Variants in GSE1 observed in about 807,000 individuals in gnomAD.
GSE1 encodes the protein genetic suppressor element 1.
In GSE1, 32 loss-of-function variants were observed where a neutral mutation model predicts 112.6. The observed-to-expected ratio is 0.28, with a 90% CI of 0.21 to 0.38. GSE1 has a LOEUF of 0.38. Ranked by LOEUF, GSE1 falls within the 10% of genes least tolerant of loss-of-function variation. The pLI, the probability that GSE1 is intolerant of heterozygous loss-of-function variation, is 1.00. For synonymous variants in GSE1, 1,115 were observed against 735.6 expected, an observed-to-expected ratio of 1.52 and a Z score of -8.35; for missense variants, 2,348 against 1,699.2, an observed-to-expected ratio of 1.38 and a Z score of -6.71.
intron 1 of GSE1, among the ~76,000 whole-genome samples, chr16:85,347,803 T>C (rs1275974747): frequency 6.6e-6 from 1 of 152,180 alleles, no homozygotes; most frequent in Non-Finnish European, 1.5e-5. Flanking sequence ...TGCCACAAGC[T>C]TCCGCTCTAG....
At chr16:85,586,907 G>A (rs567338996) in intron 1 of GSE1, among the ~76,000 whole-genome samples, 29 of 152,370 alleles carry the variant, frequency 1.9e-4, no homozygotes, top group African/African-American at 5.8e-4. Flanking sequence ...AGCATGCAGC[G>A]CGAGAGGAGT....
rs374085397 is a variant in GSE1 at position 85,662,992 on chromosome 16, G to T, written c.2272G>T (p.Asp758Tyr). ...REAQEKGYYY[D>Y]LDDSYDESDE... The stretch of plus-strand genomic sequence containing the variant: ...CATTTCTCCATCAGGGTACTACTAC[G>T]ACCTCGATGACTCTTACGACGAGAG... Residue 758 changes from aspartate (D) to tyrosine (Y), a missense_variant, in exon 10 of 16, where the codon GAC becomes TAC. Physicochemically the swap from Asp to Tyr is radical, Grantham distance 160. Transcript: ENST00000253458. 17 of 1,607,220 alleles carry T rather than the reference G, an allele frequency of 1.1e-5. No homozygotes were observed. Among genetic ancestry groups the T allele is most frequent in the Non-Finnish European group, 1.4e-5 (16 of 1,174,482 alleles).
intron 2 of GSE1, among the ~76,000 whole-genome samples, chr16:85,478,851 CT>C (rs780034341): frequency 9.3e-5 from 1 of 10,730 alleles, no homozygotes; most frequent in African/African-American, 4.9e-4. Flanking sequence ...TTCTTTCTTT[CT>C]TTCTTTCTTT....
In GSE1 at chr16:85,373,996, G is replaced by A. The variant is rs781212612; in HGVS notation, c.2464+16353G>A. On this transcript the variant is annotated intron_variant, in intron 2 of 2. Coordinates refer to the GSE1 transcript ENST00000637419. This position sits in a 1 kb window ranked among gnomAD's most constrained non-coding sequence, Gnocchi z 5.1. ...GTGGCTGCATGTGCGTATGTGTGTG[G>A]GTGTCCACATGTGTCAGGTTCACAT... Among the ~76,000 whole-genome samples, 1 of 152,198 alleles carries A rather than the reference G, an allele frequency of 6.6e-6. No individual in the cohort carries two copies. Among genetic ancestry groups the A allele is most frequent in the Non-Finnish European group, 1.5e-5 (1 of 68,032 alleles).
chr16:85,666,256 G>A lies in GSE1; in HGVS notation c.3039G>A (p.Lys1013=), dbSNP rs1319537882. The change falls in exon 13 of 16, where the codon AAG becomes AAA. Residue 1013 remains lysine (K), a synonymous_variant. Coordinates refer to ENST00000253458, the MANE Select transcript of GSE1 (RefSeq NM_014615.5). ...PLSHSTNGKS[K]PWEPFVAEEF... is the part of the protein sequence containing the mutation. ...CCCACAGCACCAATGGGAAGAGCAA[G>A]CCGTGGGAGCCCTTTGTGGCAGAAG... 2 of 1,613,870 alleles carry A rather than the reference G, an allele frequency of 1.2e-6. No homozygotes were observed. The highest frequency in any genetic ancestry group is 2.2e-5 in the East Asian group (1 of 44,880).
chr16:85,421,379 C>A, intron 2 of GSE1, among the ~76,000 whole-genome samples: 1 of 152,118 alleles, frequency 6.6e-6, no homozygotes, highest in Admixed American at 6.5e-5. Flanking sequence ...ACACTCAGCA[C>A]CGGGAGATGC....
rs1316347805 is a variant in GSE1 at position 85,674,379 on chromosome 16, C to T, written c.*1840C>T. ...ATCAGCAGTCAACAAGCACCTTCCT[C>T]TCCACAGAAGCAGCTGGAAGAGAAC... On this transcript the variant is annotated 3_prime_UTR_variant, in exon 16 of 16. Coordinates refer to ENST00000253458, the MANE Select transcript of GSE1 (RefSeq NM_014615.5). 2 of 152,286 alleles carry T rather than the reference C, an allele frequency of 1.3e-5. No homozygotes were observed. Among genetic ancestry groups the T allele is most frequent in the African/African-American group, 2.4e-5 (1 of 41,476 alleles). The allele number at this position is 152,286 out of a possible 1,614,324, so 9.4% of individuals were successfully genotyped here.
At chr16:85,254,931 A>G (rs1318684440) in intron 1 of GSE1, among the ~76,000 whole-genome samples, 3 of 152,150 alleles carry the variant, frequency 2.0e-5, no homozygotes, top group Non-Finnish European at 4.4e-5. Flanking sequence ...TGCCCACCAC[A>G]GTGCGCTCAT....
intron 2 of GSE1, 34 bp downstream of exon 2, chr16:85,634,166 G>A (rs1385677725): frequency 1.5e-6 from 2 of 1,366,926 alleles, no homozygotes; most frequent in South Asian, 1.6e-5. Context: ...CGTGGGGGGA[G>A]CGGCGGCTCC....
chr16:85,203,586 G>C (rs964865486), intron 1 of GSE1, among the ~76,000 whole-genome samples: 1 of 152,174 alleles, frequency 6.6e-6, no homozygotes, highest in Non-Finnish European at 1.5e-5. Flanking sequence ...TGGGCCTAGA[G>C]TCACCCCACT....
intron 1 of GSE1, among the ~76,000 whole-genome samples, chr16:85,259,407 G>T (rs1907435076): frequency 6.6e-6 from 1 of 152,170 alleles, no homozygotes. Flanking sequence ...CTTGTTTTTT[G>T]TGTAAAGAGG....
At chr16:85,520,676 G>T (rs1216134372) in intron 2 of GSE1, among the ~76,000 whole-genome samples, 1 of 151,890 alleles carries the variant, frequency 6.6e-6, no homozygotes, top group Non-Finnish European at 1.5e-5. Context: ...ACCTGCCTCG[G>T]CCTCCCAAAA....
chr16:85,265,891 C>T (rs1007661925), intron 1 of GSE1, among the ~76,000 whole-genome samples: 1 of 152,172 alleles, frequency 6.6e-6, no homozygotes, highest in African/African-American at 2.4e-5. Context: ...CTGGGTGAGC[C>T]TGGGTCTCTG....
chr16:85,474,845 T>A (rs2050404250), intron 2 of GSE1, among the ~76,000 whole-genome samples: 1 of 152,058 alleles, frequency 6.6e-6, no homozygotes, highest in African/African-American at 2.4e-5. Context: ...CCGAAAAGAA[T>A]GTTGCTTTTC....
intron 1 of GSE1, among the ~76,000 whole-genome samples, chr16:85,331,449 A>G (rs889099006): frequency 1.4e-5 from 2 of 144,238 alleles, no homozygotes; most frequent in African/African-American, 2.6e-5. Flanking sequence ...ATGCGTATAT[A>G]TGTATATATA....
intron 2 of GSE1, among the ~76,000 whole-genome samples, chr16:85,503,203 C>T (rs1258746275): frequency 6.6e-6 from 1 of 152,240 alleles, no homozygotes; most frequent in Non-Finnish European, 1.5e-5. Flanking sequence ...AAGTGAGACG[C>T]TGAAGCCAGG....
intron 1 of GSE1, among the ~76,000 whole-genome samples, chr16:85,292,823 C>T (rs888522848): frequency 3.3e-5 from 5 of 152,182 alleles, no homozygotes; most frequent in Admixed American, 1.3e-4. Context: ...AGTGCACACC[C>T]GTCACCTCTG....
chr16:85,476,914 C>T (rs1439085092), intron 2 of GSE1, among the ~76,000 whole-genome samples: 3 of 145,164 alleles, frequency 2.1e-5, no homozygotes, highest in South Asian at 2.2e-4. Context: ...TGCCTGGCAT[C>T]GTATGTGGTT....
At chr16:85,331,543 G>GTGTGTATATATGTGTATATA (rs759888304) in intron 1 of GSE1, among the ~76,000 whole-genome samples, 1 of 126,276 alleles carries the variant, frequency 7.9e-6, no homozygotes, top group Non-Finnish European at 1.7e-5. Flanking sequence ...ATGTGTATAT[G>GTGTGTATATATGTGTATATA]TGTGTATATA....
Sources: allele counts gnomAD v4.1 joint callset (sites outside exome capture counted in the v4.1 genomes callset), GRCh38; gene constraint gnomAD v4.1.1; non-coding constraint Gnocchi (gnomAD v3.1); transcripts MANE v1.5; gene names NCBI Gene and HGNC (gene_info 2026-07-23, HGNC 2026-07-21).